Variants in DYNC1H1 observed in about 807,000 individuals in gnomAD.
DYNC1H1 encodes cytoplasmic dynein 1 heavy chain 1.
DYNC1H1 carries 51 observed loss-of-function variants against 527.1 expected under a neutral mutation model. The ratio of observed to expected loss-of-function variants is 0.10; its 90% CI spans 0.08 to 0.12. DYNC1H1 has a LOEUF of 0.12. Ranked by LOEUF, DYNC1H1 falls within the 10% of genes least tolerant of loss-of-function variation. The pLI is 1.00. For synonymous variants in DYNC1H1, 2,189 were observed against 2,278.8 expected, an observed-to-expected ratio of 0.96 and a Z score of 1.12; for missense variants, 2,771 against 5,971.8, an observed-to-expected ratio of 0.46 and a Z score of 17.66.
chr14:102,020,252 A>C lies in DYNC1H1; in HGVS notation c.8507+196A>C, dbSNP rs576479900. ...AGTTGCCCCAGGGTAACAAAGTCAC[A>C]GTGCGCTGAATGCACCGGCTGGCCC... On this transcript the variant is annotated intron_variant, in intron 42 of 77. Coordinates refer to ENST00000360184, the MANE Select transcript of DYNC1H1 (RefSeq NM_001376.5). This position sits in a 1 kb window ranked among gnomAD's most constrained non-coding sequence, Gnocchi z 4.3. Among the ~76,000 whole-genome samples the C allele has an allele frequency of 6.6e-6, 1 of 152,338 alleles. No homozygotes were observed. The highest frequency in any genetic ancestry group is 2.1e-4 in the South Asian group (1 of 4,826).
intron 1 of DYNC1H1, among the ~76,000 whole-genome samples, chr14:101,972,337 C>T (rs1269930092): frequency 2.0e-5 from 3 of 152,044 alleles, no homozygotes; most frequent in South Asian, 2.1e-4. Flanking sequence ...GTGTTTGATC[C>T]GTGTCTTTAT....
In DYNC1H1 at chr14:102,005,559, G is replaced by A. The variant is rs2048188232; in HGVS notation, c.5433+323G>A. 6.6e-6 allele frequency among the ~76,000 whole-genome samples: 1 copy of A among 152,248 alleles called. No homozygotes were observed. Among genetic ancestry groups the A allele is most frequent in the Non-Finnish European group, 1.5e-5 (1 of 68,040 alleles). On this transcript the variant is annotated intron_variant, in intron 26 of 77. Coordinates refer to ENST00000360184, the MANE Select transcript of DYNC1H1 (RefSeq NM_001376.5). This position sits in a 1 kb window ranked among gnomAD's most constrained non-coding sequence, Gnocchi z 4.0. ...ACGGCACGGGCAGTGCTTGCTGCGA[G>A]CCCCATGGCGGCACGTGGCAGACTC...
chr14:101,983,362 C>A lies in DYNC1H1; in HGVS notation c.1234-20C>A. ...AAATATGTCTTAATAATAAGCCTCA[C>A]TTTTGAAATTATATCCTAGGTTATG... On this transcript the variant is annotated intron_variant, in intron 6 of 77. Transcript: ENST00000360184. The surrounding 1 kb of genome is among the most constrained non-coding windows in gnomAD (Gnocchi z 5.3). The A allele has an allele frequency of 6.2e-7, 1 of 1,614,076 alleles. No homozygotes were observed. The highest frequency in any genetic ancestry group is 8.5e-7 in the Non-Finnish European group (1 of 1,179,960).
rs2048643924 is a variant in DYNC1H1, at chr14:102,041,103, C to T, written c.11941+430C>T. The stretch of plus-strand genomic sequence containing the variant: ...TCCTATTCATCTCATGCTTAAAGAC[C>T]ACAAGAGAACTAGATGGGGAACTCC... On this transcript the variant is annotated intron_variant, in intron 64 of 77. Coordinates refer to ENST00000360184, the MANE Select transcript of DYNC1H1 (RefSeq NM_001376.5). This position sits in a 1 kb window ranked among gnomAD's most constrained non-coding sequence, Gnocchi z 4.5. 2 of 344,670 alleles carry T rather than the reference C, an allele frequency of 5.8e-6. No homozygotes were observed. Among genetic ancestry groups the T allele is most frequent in the South Asian group, 5.0e-5 (2 of 39,782 alleles). The allele number at this position is 344,670 out of a possible 1,614,324, so 21.4% of individuals were successfully genotyped here.
Position 102,032,883 on chromosome 14 carries a change from A to G in DYNC1H1, c.10080-182A>G, listed in dbSNP as rs1400590559. ...AAAAGAAGAAAGAAAAAAATTGTTC[A>G]AGTGTTGAGCACATTTTCAGCTTTC... is the stretch of plus-strand genomic sequence containing the variant. On this transcript the variant is annotated intron_variant, in intron 52 of 77. Coordinates refer to ENST00000360184, the MANE Select transcript of DYNC1H1 (RefSeq NM_001376.5). 9.2e-6 allele frequency: 6 copies of G among 655,650 alleles called. No individual in the cohort carries two copies. The African/African-American group carries it at 9.2e-5, about 10-fold the overall frequency. 40.6% of individuals were successfully genotyped at this position (655,650 alleles called of 1,614,324 possible).
intron 1 of DYNC1H1, among the ~76,000 whole-genome samples, chr14:101,967,048 A>G (rs1035840234): frequency 6.6e-6 from 1 of 152,230 alleles, no homozygotes; most frequent in African/African-American, 2.4e-5. Context: ...ATTTCTACCA[A>G]TTCAACCTGT....
intron 4 of DYNC1H1, 134 bp from the exon 5 acceptor site, chr14:101,980,230 C>A: frequency 8.1e-7 from 1 of 1,232,332 alleles, no homozygotes; most frequent in East Asian, 2.5e-5. Flanking sequence ...TCAAATCAAG[C>A]CACTTTTGAT....
Position 102,038,880 on chromosome 14 carries a change from T to C in DYNC1H1, c.11206+32T>C. The C allele has an allele frequency of 6.2e-7, 1 of 1,614,136 alleles. No homozygotes were observed. The stretch of plus-strand genomic sequence containing the variant: ...TCTGGACCTGTGGCTTTTAGATGGT[T>C]GGTGCAGGGGAAGGGGCTGAACTTT... On this transcript the variant is annotated intron_variant, in intron 59 of 77. Transcript: ENST00000360184. The surrounding 1 kb of genome is among the most constrained non-coding windows in gnomAD (Gnocchi z 7.2).
rs768636289 is a variant in DYNC1H1 at position 102,041,708 on chromosome 14, G to A, written c.12076G>A (p.Asp4026Asn). 5.0e-6 allele frequency: 8 copies of A among 1,614,032 alleles called. No homozygotes were observed. The highest frequency in any genetic ancestry group is 1.7e-5 in the Admixed American group (1 of 60,006). Residue 4026 changes from aspartate (D) to asparagine (N), a missense_variant, in exon 65 of 78, where the codon GAC becomes AAC. By Grantham distance (23) the Asp-to-Asn change is conservative. Around this residue, in one of 32 missense-constraint regions of DYNC1H1, gnomAD observed 195 missense variants for 428.6 expected, o/e 0.45. Coordinates refer to ENST00000360184, the MANE Select transcript of DYNC1H1 (RefSeq NM_001376.5). This position sits in a 1 kb window ranked among gnomAD's most constrained non-coding sequence, Gnocchi z 4.5. ...CATGTCCATCATGGAGCAGCCGCTC[G>A]ACCTGACCCACATTGTGGGCACAGA... The part of the protein sequence containing the change: ...SFMSIMEQPL[D>N]LTHIVGTEVK...
intron 11 of DYNC1H1, 94 bp from the exon 12 acceptor site, chr14:101,994,090 T>C: frequency 1.3e-6 from 2 of 1,596,022 alleles, no homozygotes; most frequent in Non-Finnish European, 1.7e-6. Context: ...GTCATGAGCT[T>C]TTCTTTCAGT....
intron 29 of DYNC1H1, 62 bp downstream of exon 29, chr14:102,008,399 A>C: frequency 1.3e-6 from 2 of 1,587,676 alleles, no homozygotes; most frequent in East Asian, 4.5e-5. Context: ...CTAGTGAACT[A>C]ATTTTCTACC....
rs1484627118 is a variant in DYNC1H1 at position 102,027,097 on chromosome 14, G to A, written c.8772-77G>A. 3 of 1,448,966 alleles carry A rather than the reference G, an allele frequency of 2.1e-6. No homozygotes were observed. The highest frequency in any genetic ancestry group is 2.3e-5 in the East Asian group (1 of 44,096). The allele number at this position is 1,448,966 out of a possible 1,614,324, so 89.8% of individuals were successfully genotyped here. A position where few individuals can be genotyped will look rare whatever the true frequency, so the allele number is the denominator to read the frequency against. On this transcript the variant is annotated intron_variant, in intron 44 of 77. Coordinates refer to ENST00000360184, the MANE Select transcript of DYNC1H1 (RefSeq NM_001376.5). The surrounding 1 kb of genome is among the most constrained non-coding windows in gnomAD (Gnocchi z 7.7). ...CAAGTTAAAACATGTCCAAAATACTGTAGACACTAGATATGAGTCAAAAGG... is the reference window on the plus strand; with the variant it reads ...CAAGTTAAAACATGTCCAAAATACTATAGACACTAGATATGAGTCAAAAGG...
At position 102,020,413 on chromosome 14, in the gene DYNC1H1, CA is replaced by C. The variant is rs2048371349; in HGVS notation, c.8507+361del. On this transcript the variant is annotated intron_variant, in intron 42 of 77. Transcript: ENST00000360184. The surrounding 1 kb of genome is among the most constrained non-coding windows in gnomAD (Gnocchi z 4.3). ...CCTTTTAAACTGTCAGGTGGGACCACAAAAGGTAGCAGCTGCCTGTGATAAC... is the reference window on the plus strand; with the variant it reads ...CCTTTTAAACTGTCAGGTGGGACCACAAAGGTAGCAGCTGCCTGTGATAAC... Among the ~76,000 whole-genome samples the C allele has an allele frequency of 6.6e-6, 1 of 152,190 alleles. No homozygotes were observed. The highest frequency in any genetic ancestry group is 2.1e-4 in the South Asian group (1 of 4,820).
At chr14:102,043,707 T>C in intron 69 of DYNC1H1, 168 bp from the exon 70 acceptor site, 3 of 798,722 alleles carry the variant, frequency 3.8e-6, no homozygotes, top group Non-Finnish European at 6.2e-6. Flanking sequence ...CGTCTATTAA[T>C]AGAAAAGTTG....
intron 1 of DYNC1H1, among the ~76,000 whole-genome samples, chr14:101,969,765 AGT>A (rs956777991): frequency 6.6e-6 from 1 of 152,268 alleles, no homozygotes; most frequent in Non-Finnish European, 1.5e-5. Flanking sequence ...TTGAATGTGC[AGT>A]GTAGCATAGT....
chr14:102,046,034 G>T (rs1412666266), intron 72 of DYNC1H1, among the ~76,000 whole-genome samples: 1 of 152,106 alleles, frequency 6.6e-6, no homozygotes, highest in Non-Finnish European at 1.5e-5. Flanking sequence ...CGGGTGTGGT[G>T]GCGGGCACCT....
chr14:102,006,760 C>T (rs988248356), intron 27 of DYNC1H1, among the ~76,000 whole-genome samples: 4 of 151,388 alleles, frequency 2.6e-5, no homozygotes, highest in Admixed American at 1.3e-4. Context: ...CCAACATGCC[C>T]GGCTAATTTT....
At chr14:101,996,114 G>C (rs1417711505) in intron 15 of DYNC1H1, among the ~76,000 whole-genome samples, 1 of 151,192 alleles carries the variant, frequency 6.6e-6, no homozygotes, top group Non-Finnish European at 1.5e-5. Context: ...GGGCATCTAG[G>C]TTTTTCTTTT....
At chr14:102,014,403 G>T (rs527261224) in intron 34 of DYNC1H1, among the ~76,000 whole-genome samples, 1 of 151,986 alleles carries the variant, frequency 6.6e-6, no homozygotes, top group Non-Finnish European at 1.5e-5. Context: ...GCGTGGTGGC[G>T]CATACCTGTA....
Sources: allele counts gnomAD v4.1 joint callset (sites outside exome capture counted in the v4.1 genomes callset), GRCh38; gene constraint gnomAD v4.1.1; regional missense constraint gnomAD v4.1.1; non-coding constraint Gnocchi (gnomAD v3.1); transcripts MANE v1.5; gene names NCBI Gene and HGNC (gene_info 2026-07-23, HGNC 2026-07-21).